Variants in MLPH observed in about 807,000 individuals in gnomAD.
The protein encoded by MLPH is melanophilin, also known as exophilin-3.
MLPH carries 51 observed loss-of-function variants against 72.1 expected under a neutral mutation model. The ratio of observed to expected loss-of-function variants is 0.71; its 90% CI spans 0.56 to 0.89. The LOEUF (loss-of-function observed/expected upper bound fraction) is 0.89. Ranked by LOEUF, MLPH falls within the 40% of genes least tolerant of loss-of-function variation. MLPH has a pLI of 0.00. For synonymous variants in MLPH, 301 were observed against 310.1 expected (o/e 0.97, Z 0.31); for missense variants, 743 against 759.9 (o/e 0.98, Z 0.26).
chr2:237,511,149 G>A, intron 4 of MLPH, 48 bp downstream of exon 4: 1 of 1,457,586 alleles, frequency 6.9e-7, no homozygotes, highest in Non-Finnish European at 9.6e-7. Context: ...GGCATTTTAG[G>A]AATATTAAAG....
At chr2:237,493,107 G>A (rs2079460827) in intron 1 of MLPH, among the ~76,000 whole-genome samples, 1 of 152,208 alleles carries the variant, frequency 6.6e-6, no homozygotes. Context: ...CCCTGGATGG[G>A]GAGATCACTG....
At chr2:237,525,533 C>T (rs145972101) in intron 6 of MLPH, 68 bp from the exon 7 acceptor site, 21,582 of 1,535,880 alleles carry the variant, frequency 0.014, 186 homozygotes, top group Middle Eastern at 0.018. Context: ...GATTGAAAGA[C>T]CCACATTCCA....
intron 4 of MLPH, among the ~76,000 whole-genome samples, chr2:237,515,693 G>A (rs925638385): frequency 6.6e-6 from 1 of 152,174 alleles, no homozygotes; most frequent in Non-Finnish European, 1.5e-5. Context: ...AAGGGCAGAG[G>A]CTGGGATTAA....
intron 8 of MLPH, among the ~76,000 whole-genome samples, chr2:237,532,605 T>C: frequency 6.6e-6 from 1 of 152,224 alleles, no homozygotes; most frequent in East Asian, 1.9e-4. Context: ...TGTATTGCAT[T>C]TGTAAACTCT....
rs912195219 is a variant in MLPH at position 237,512,013 on chromosome 2, C to T, written c.445+912C>T. ...CGGCCAAGCATTCGGGTGGGACAGCCGCCACCAAGCCAGGTGTCTGGGGTC... is the reference window on the plus strand; with the variant it reads ...CGGCCAAGCATTCGGGTGGGACAGCTGCCACCAAGCCAGGTGTCTGGGGTC... On this transcript the variant is annotated intron_variant, in intron 4 of 15. Transcript: ENST00000264605. The surrounding 1 kb of genome is among the most constrained non-coding windows in gnomAD (Gnocchi z 5.5). 2.0e-5 allele frequency among the ~76,000 whole-genome samples: 3 copies of T among 152,308 alleles called. No homozygotes were observed. Among genetic ancestry groups the T allele is most frequent in the Middle Eastern group, 3.4e-3 (1 of 294 alleles).
chr2:237,504,334 A>G (rs1234286946), intron 2 of MLPH, among the ~76,000 whole-genome samples: 1 of 152,146 alleles, frequency 6.6e-6, no homozygotes, highest in Non-Finnish European at 1.5e-5. Flanking sequence ...CTCCTGTCTC[A>G]GCCTCCCAAG....
intron 2 of MLPH, among the ~76,000 whole-genome samples, chr2:237,501,551 G>T (rs1379470079): frequency 6.6e-6 from 1 of 151,272 alleles, no homozygotes; most frequent in East Asian, 1.9e-4. Context: ...TCTAGGCCAG[G>T]TACAGTGGCT....
intron 10 of MLPH, 130 bp from the exon 11 acceptor site, chr2:237,540,672 G>T: frequency 6.7e-7 from 1 of 1,496,976 alleles, no homozygotes; most frequent in Non-Finnish European, 9.1e-7. Flanking sequence ...GGTCTGCAGC[G>T]GGTGGCCGGC....
At chr2:237,553,075 T>C (rs542990958) in intron 15 of MLPH, 4 of 468,460 alleles carry the variant, frequency 8.5e-6, no homozygotes, top group African/African-American at 8.0e-5. Context: ...TCCCATTGGT[T>C]ACTTGGTTAT....
intron 2 of MLPH, among the ~76,000 whole-genome samples, chr2:237,495,466 G>C (rs775876881): frequency 5.9e-5 from 9 of 152,316 alleles, no homozygotes; most frequent in Non-Finnish European, 1.0e-4. Context: ...CAGCCCCGGG[G>C]ACGTGAGCTC....
chr2:237,514,105 G>A (rs562860656), intron 4 of MLPH, among the ~76,000 whole-genome samples: 13 of 152,154 alleles, frequency 8.5e-5, no homozygotes, highest in African/African-American at 2.4e-4. Flanking sequence ...TAACAAGGCC[G>A]GACCTGCTGC....
chr2:237,498,189 T>G (rs964095584), intron 2 of MLPH, among the ~76,000 whole-genome samples: 4 of 151,640 alleles, frequency 2.6e-5, no homozygotes, highest in African/African-American at 4.9e-5. Flanking sequence ...CAGAAACAAG[T>G]TTGCCAGGGG....
chr2:237,493,802 G>T (rs1160627130), intron 2 of MLPH, among the ~76,000 whole-genome samples: 1 of 152,174 alleles, frequency 6.6e-6, no homozygotes. Flanking sequence ...TAAGCCAGGT[G>T]ATACTTAGGC....
chr2:237,510,459 CTGTGTGTGTGTATGTGTCTGTGTCTG>C lies in MLPH; in HGVS notation c.111-99_111-74del, dbSNP rs1156389948. On this transcript the variant is annotated intron_variant, in intron 2 of 15. Coordinates refer to ENST00000264605, the MANE Select transcript of MLPH (RefSeq NM_024101.7). The surrounding 1 kb of genome is among the most constrained non-coding windows in gnomAD (Gnocchi z 4.4). ...CTGTTTTCTGCATAGGAGACAGTTACTGTGTGTGTGTATGTGTCTGTGTCTGTGTGTGTGTGTATGTACGTGTACAC... is the reference window on the plus strand; with the variant it reads ...CTGTTTTCTGCATAGGAGACAGTTACTGTGTGTGTGTATGTACGTGTACAC... The C allele has an allele frequency of 2.0e-6, 2 of 993,544 alleles. No homozygotes were observed. Among genetic ancestry groups the C allele is most frequent in the Non-Finnish European group, 3.1e-6 (2 of 640,068 alleles). The allele number at this position is 993,544 out of a possible 1,614,324, so 61.5% of individuals were successfully genotyped here.
chr2:237,527,261 T>C, intron 7 of MLPH, 116 bp from the exon 8 acceptor site: 1 of 1,325,910 alleles, frequency 7.5e-7, no homozygotes, highest in African/African-American at 1.4e-5. Context: ...CCCTGTAACA[T>C]GAACATCCTT....
At chr2:237,519,839 G>A in intron 5 of MLPH, 71 bp from the exon 6 acceptor site, 2 of 1,610,464 alleles carry the variant, frequency 1.2e-6, no homozygotes, top group Non-Finnish European at 1.7e-6. Flanking sequence ...GGTTGGGGAG[G>A]TGCAGGGTAT....
Position 237,542,671 on chromosome 2 carries a change from G to GT in MLPH, c.1539+12_1539+13insT. 6.6e-7 allele frequency: 1 copy of GT among 1,518,350 alleles called. No individual in the cohort carries two copies. The highest frequency in any genetic ancestry group is 8.9e-7 in the Non-Finnish European group (1 of 1,125,164). 94.1% of individuals were successfully genotyped at this position (1,518,350 alleles called of 1,614,324 possible). On this transcript the variant is annotated intron_variant, in intron 12 of 15. Transcript: ENST00000264605. The stretch of plus-strand genomic sequence containing the variant: ...AGTCAAACCTCCCGGTGAGTGGGGG[G>GT]CAGTGGTGAGTGGAGACAGTGCTGA...
At chr2:237,535,047 T>C (rs2080503386) in intron 9 of MLPH, among the ~76,000 whole-genome samples, 1 of 152,222 alleles carries the variant, frequency 6.6e-6, no homozygotes, top group South Asian at 2.1e-4. Flanking sequence ...CTTAGTCTGC[T>C]ATATGCTGCT....
At chr2:237,535,054 T>G (rs1374884858) in intron 9 of MLPH, among the ~76,000 whole-genome samples, 1 of 152,178 alleles carries the variant, frequency 6.6e-6, no homozygotes, top group Non-Finnish European at 1.5e-5. Context: ...TGCTATATGC[T>G]GCTATAGCAA....
Sources: allele counts gnomAD v4.1 joint callset (sites outside exome capture counted in the v4.1 genomes callset), GRCh38; gene constraint gnomAD v4.1.1; non-coding constraint Gnocchi (gnomAD v3.1); transcripts MANE v1.5; gene names NCBI Gene and HGNC (gene_info 2026-07-23, HGNC 2026-07-21).